Variants in FBXO38 observed in about 807,000 individuals in gnomAD.
FBXO38 encodes F-box protein 38.
In FBXO38, 53 loss-of-function variants were observed where a neutral mutation model predicts 131.9. The ratio of observed to expected loss-of-function variants is 0.40; its 90% CI spans 0.32 to 0.51. FBXO38 has a LOEUF of 0.51. Among genes scored for constraint, FBXO38 ranks in the 20% least tolerant of loss-of-function variants. FBXO38 has a pLI of 0.53. For missense variants in FBXO38, 1,076 were observed against 1,475.6 expected, an observed-to-expected ratio of 0.73 and a Z score of 4.44; for synonymous variants, 452 against 505.6, an observed-to-expected ratio of 0.89 and a Z score of 1.42.
rs1312655050 is a variant in FBXO38 at position 148,397,322 on chromosome 5, ACTT to A, written c.129-1673_129-1671del. 3.9e-5 allele frequency among the ~76,000 whole-genome samples: 6 copies of A among 152,272 alleles called. No individual in the cohort carries two copies. In the East Asian group the frequency reaches 1.2e-3, roughly 29 times the overall value. ...TATAACTATGAAGAAAAAATATGCTACTTCTTAGGGAAAATATGATGTAAAATA... is the reference window on the plus strand; with the variant it reads ...TATAACTATGAAGAAAAAATATGCTACTTAGGGAAAATATGATGTAAAATA... On this transcript the variant is annotated intron_variant, in intron 2 of 21. Coordinates refer to ENST00000340253, the MANE Select transcript of FBXO38 (RefSeq NM_205836.3).
intron 3 of FBXO38, 124 bp from the exon 4 acceptor site, chr5:148,401,858 G>A (rs1308288210): frequency 2.5e-6 from 2 of 804,532 alleles, no homozygotes; most frequent in Non-Finnish European, 3.9e-6. Context: ...TTCAGCTTTA[G>A]TGTTAGCTTT....
intron 12 of FBXO38, among the ~76,000 whole-genome samples, chr5:148,418,612 T>C (rs1478465102): frequency 2.0e-5 from 3 of 152,242 alleles, no homozygotes; most frequent in Non-Finnish European, 4.4e-5. Context: ...CTTTGCTTTG[T>C]TGTCCTGAGT....
chr5:148,385,312 CTTTATA>C (rs1757853916), intron 1 of FBXO38, among the ~76,000 whole-genome samples: 1 of 151,950 alleles, frequency 6.6e-6, no homozygotes, highest in African/African-American at 2.4e-5. Context: ...GAGGTACACA[CTTTATA>C]TTTAGTCAAA....
chr5:148,392,936 A>G (rs1234661914), intron 1 of FBXO38, among the ~76,000 whole-genome samples: 2 of 152,268 alleles, frequency 1.3e-5, no homozygotes, highest in East Asian at 1.9e-4. Context: ...AGTAAACAAG[A>G]AAAGGTGGGC....
chr5:148,393,186 GGGGT>G (rs1758292031), intron 1 of FBXO38, among the ~76,000 whole-genome samples: 1 of 90,506 alleles, frequency 1.1e-5, no homozygotes, highest in Non-Finnish European at 2.2e-5. Flanking sequence ...CAACAGAAGA[GGGGT>G]GTGTGTGTGT....
Position 148,442,331 on chromosome 5 carries a change from G to T in FBXO38, c.*184G>T, listed in dbSNP as rs1007764264. 6 of 418,490 alleles carry T rather than the reference G, an allele frequency of 1.4e-5. No homozygotes were observed. The highest frequency in any genetic ancestry group is 2.1e-5 in the Non-Finnish European group (5 of 237,918). The allele number at this position is 418,490 out of a possible 1,614,324, so 25.9% of individuals were successfully genotyped here. On this transcript the variant is annotated 3_prime_UTR_variant, in exon 22 of 22. Transcript: ENST00000340253. ...TTGTACATAAAAAATATACAAAGAC[G>T]CTTCCTAAAGTACCAACTTTATATC...
intron 14 of FBXO38, 84 bp downstream of exon 14, chr5:148,425,785 C>T: frequency 2.6e-6 from 3 of 1,165,134 alleles, no homozygotes; most frequent in Non-Finnish European, 3.7e-6. Context: ...AACTTGGGTG[C>T]AGTTAACATA....
rs1481113770 is a variant in FBXO38 at position 148,442,334 on chromosome 5, TC to T, written c.*189del. 7 of 418,656 alleles carry T rather than the reference TC, an allele frequency of 1.7e-5. No homozygotes were observed. Among genetic ancestry groups the T allele is most frequent in the Middle Eastern group, 5.9e-4 (1 of 1,708 alleles). 25.9% of individuals were successfully genotyped at this position (418,656 alleles called of 1,614,324 possible). ...TACATAAAAAATATACAAAGACGCT[TC>T]CTAAAGTACCAACTTTATATCATAT... On this transcript the variant is annotated 3_prime_UTR_variant, in exon 22 of 22. Transcript: ENST00000340253.
At chr5:148,400,314 T>C (rs760115006) in intron 3 of FBXO38, among the ~76,000 whole-genome samples, 7 of 152,056 alleles carry the variant, frequency 4.6e-5, no homozygotes, top group Non-Finnish European at 1.0e-4. Context: ...TCTTATTCCT[T>C]ATATTAGATT....
intron 14 of FBXO38, 134 bp from the exon 15 acceptor site, chr5:148,427,079 T>G (rs1429402767): frequency 1.5e-5 from 15 of 1,032,296 alleles, no homozygotes; most frequent in Non-Finnish European, 2.1e-5. Flanking sequence ...AGTGATGTGA[T>G]CACAGTTATA....
intron 2 of FBXO38, among the ~76,000 whole-genome samples, chr5:148,398,100 G>T (rs771727643): frequency 2.6e-5 from 4 of 152,056 alleles, no homozygotes; most frequent in South Asian, 2.1e-4. Context: ...AGGTCAGAGA[G>T]GGGGAGATAA....
chr5:148,439,354 A>C (rs1056957177), intron 18 of FBXO38, among the ~76,000 whole-genome samples: 1 of 152,226 alleles, frequency 6.6e-6, no homozygotes, highest in Admixed American at 6.5e-5. Flanking sequence ...GGACATACAC[A>C]GAAGTGGATT....
At chr5:148,388,551 C>T (rs761232246) in intron 1 of FBXO38, among the ~76,000 whole-genome samples, 15 of 152,236 alleles carry the variant, frequency 9.9e-5, no homozygotes, top group Non-Finnish European at 1.9e-4. Flanking sequence ...GCTTCTCCAT[C>T]AACATTTGCT....
chr5:148,394,973 A>G (rs1758404101), intron 2 of FBXO38, 69 bp downstream of exon 2: 2 of 1,379,722 alleles, frequency 1.4e-6, no homozygotes, highest in Admixed American at 5.6e-5. Flanking sequence ...AGTGCTGTCT[A>G]ATGTGGTAGC....
At chr5:148,405,916 C>T (rs1752420635) in intron 6 of FBXO38, among the ~76,000 whole-genome samples, 1 of 152,156 alleles carries the variant, frequency 6.6e-6, no homozygotes, top group Non-Finnish European at 1.5e-5. Context: ...CAACACTGGT[C>T]ATAGAGATGA....
At chr5:148,388,669 G>T (rs77274096) in intron 1 of FBXO38, among the ~76,000 whole-genome samples, 6,863 of 152,112 alleles carry the variant, frequency 0.045, 342 homozygotes, top group East Asian at 0.16. Context: ...ACCTCTCTCG[G>T]CCTTCATAGA....
chr5:148,385,298 C>A (rs1215098838), intron 1 of FBXO38, among the ~76,000 whole-genome samples: 1 of 151,960 alleles, frequency 6.6e-6, no homozygotes, highest in Non-Finnish European at 1.5e-5. Flanking sequence ...TGGCTGTGTG[C>A]CCAGAGGTAC....
chr5:148,425,661 A>G lies in FBXO38; in HGVS notation c.1878A>G (p.Glu626=). 3 of 1,614,102 alleles carry G rather than the reference A, an allele frequency of 1.9e-6. No individual in the cohort carries two copies. The part of the protein sequence containing the change: ...KNGTRRYSER[E]EKTGESVQSR... ...GTACTCGGCGTTACTCTGAACGTGA[A>G]GAAAAAACTGGAGAGTCAGTGCAGT... Residue 626 remains glutamate, a synonymous_variant, in exon 14 of 22, where the codon GAA becomes GAG. Coordinates refer to ENST00000340253, the MANE Select transcript of FBXO38 (RefSeq NM_205836.3).
rs1336493959 is a variant in FBXO38, at chr5:148,442,508, T to C, written c.*361T>C. On this transcript the variant is annotated 3_prime_UTR_variant, in exon 22 of 22. Coordinates refer to ENST00000340253, the MANE Select transcript of FBXO38 (RefSeq NM_205836.3). Reference sequence around the variant, plus strand: ...TAATGATTATTGTCATCCCTTTAAATCTGTGCCTTTTTCTTCTTGAGCGAA... The same window carrying C: ...TAATGATTATTGTCATCCCTTTAAACCTGTGCCTTTTTCTTCTTGAGCGAA... The C allele has an allele frequency of 6.2e-6, 1 of 160,670 alleles. No individual in the cohort carries two copies. Among genetic ancestry groups the C allele is most frequent in the Non-Finnish European group, 1.4e-5 (1 of 73,692 alleles). 10.0% of individuals were successfully genotyped at this position (160,670 alleles called of 1,614,324 possible).
Sources: gnomAD v4.1 joint callset for allele counts (sites outside exome capture counted in the v4.1 genomes callset) on GRCh38, gnomAD v4.1.1 for gene constraint, MANE v1.5 for transcripts, NCBI Gene and HGNC (gene_info 2026-07-23, HGNC 2026-07-21) for gene names.